The following FILIP1 variants were observed in gnomAD, a reference collection of about 807,000 sequenced individuals.
FILIP1 encodes filamin A interacting protein 1.
Under a neutral mutation model 102.1 loss-of-function variants are expected in FILIP1, and 61 were observed. That is an observed-to-expected ratio of 0.60 (90% confidence interval 0.49 to 0.74). The LOEUF (loss-of-function observed/expected upper bound fraction) is 0.74, where lower values mean the gene tolerates loss of function less well. FILIP1 is among the 30% of genes least tolerant of loss of function. The probability of loss-of-function intolerance (pLI) is 0.00; values close to 1 mark genes in which losing one functional copy is unlikely to be tolerated. For missense variants in FILIP1, 1,314 were observed against 1,441.2 expected (o/e 0.91, Z 1.43); for synonymous variants, 491 against 526.9 (o/e 0.93, Z 0.93).
At chr6:75,451,127 C>G (rs1049566154) in intron 1 of FILIP1, among the ~76,000 whole-genome samples, 1 of 151,658 alleles carries the variant, frequency 6.6e-6, no homozygotes, top group African/African-American at 2.4e-5. Flanking sequence ...ATTGACTTGC[C>G]ATGATGTTTA....
At chr6:75,455,854 G>C (rs1778811806) in intron 1 of FILIP1, among the ~76,000 whole-genome samples, 1 of 152,184 alleles carries the variant, frequency 6.6e-6, no homozygotes, top group South Asian at 2.1e-4. Context: ...GGCATAGGCA[G>C]AGTCACAAAA....
At chr6:75,325,987 CA>C (rs746635039) in intron 4 of FILIP1, among the ~76,000 whole-genome samples, 24 of 151,856 alleles carry the variant, frequency 1.6e-4, no homozygotes, top group Admixed American at 7.9e-4. Context: ...CTCGCAACTG[CA>C]AAAATATGAA....
intron 5 of FILIP1, among the ~76,000 whole-genome samples, chr6:75,309,249 C>G (rs1773098059): frequency 6.6e-6 from 1 of 152,158 alleles, no homozygotes. Flanking sequence ...CCTAAATTAA[C>G]TCTACACTCC....
rs147434989 is a variant in FILIP1, at chr6:75,312,476, C to T, written c.3356G>A (p.Arg1119Gln). The T allele has an allele frequency of 9.0e-4, 1,446 of 1,614,116 alleles. 1 individual carries two copies. The highest frequency in any genetic ancestry group is 1.1e-3 in the Non-Finnish European group (1,333 of 1,180,036). The stretch of plus-strand genomic sequence containing the variant: ...GCTCGTCACTTTGCTTGCACCAGGC[C>T]GTGAGGAGAGGTGATTCCTGGGAGA... ...LRSPRNHLSS[R>Q]PGASKVTSTI... Residue 1119 changes from arginine to glutamine, a missense_variant, in exon 5 of 6, where the codon CGG becomes CAG. Physicochemically the swap from Arg to Gln is conservative, Grantham distance 43. Coordinates refer to ENST00000237172, the MANE Select transcript of FILIP1 (RefSeq NM_015687.5).
intron 3 of FILIP1, chr6:75,360,866 A>T (rs1405622608): frequency 6.6e-6 from 1 of 152,200 alleles, no homozygotes; most frequent in East Asian, 1.9e-4. Flanking sequence ...TGGAACAGTG[A>T]TGTATCGCGG....
intron 1 of FILIP1, among the ~76,000 whole-genome samples, chr6:75,425,656 A>C (rs923401983): frequency 6.6e-6 from 1 of 151,972 alleles, no homozygotes; most frequent in African/African-American, 2.4e-5. Context: ...CCCTAACCCC[A>C]CACATGTATT....
intron 1 of FILIP1, among the ~76,000 whole-genome samples, chr6:75,443,270 C>G (rs1398349283): frequency 1.3e-5 from 2 of 151,994 alleles, no homozygotes; most frequent in African/African-American, 4.8e-5. Flanking sequence ...AAACAATCAG[C>G]AGGAAGAAAA....
At chr6:75,317,291 T>G (rs1248173085) in intron 4 of FILIP1, among the ~76,000 whole-genome samples, 1 of 152,220 alleles carries the variant, frequency 6.6e-6, no homozygotes, top group Non-Finnish European at 1.5e-5. Flanking sequence ...GGTGATGACC[T>G]TGAGAAGCAG....
chr6:75,456,488 T>G (rs1280772913), intron 1 of FILIP1, among the ~76,000 whole-genome samples: 1 of 152,176 alleles, frequency 6.6e-6, no homozygotes, highest in Non-Finnish European at 1.5e-5. Context: ...CAAATAAGTT[T>G]TCAATAAAAG....
intron 1 of FILIP1, chr6:75,465,288 C>A: frequency 3.2e-6 from 1 of 314,616 alleles, no homozygotes; most frequent in Non-Finnish European, 6.0e-6. Context: ...ACAATTGGGC[C>A]TCCAAGAACA....
chr6:75,478,242 T>G (rs939257158), intron 1 of FILIP1, among the ~76,000 whole-genome samples: 3 of 152,154 alleles, frequency 2.0e-5, no homozygotes, highest in Non-Finnish European at 4.4e-5. Context: ...GGGTAATGTT[T>G]CAGGAGTGGC....
At chr6:75,374,330 A>C (rs1179186316) in intron 2 of FILIP1, among the ~76,000 whole-genome samples, 1 of 152,214 alleles carries the variant, frequency 6.6e-6, no homozygotes, top group Non-Finnish European at 1.5e-5. Flanking sequence ...ACCTGTACGC[A>C]TAATCAGCAG....
At chr6:75,452,964 T>C (rs568326227) in intron 1 of FILIP1, among the ~76,000 whole-genome samples, 1 of 152,346 alleles carries the variant, frequency 6.6e-6, no homozygotes, top group South Asian at 2.1e-4. Context: ...ATCAAGAACG[T>C]TGATAACTGA....
chr6:75,357,635 T>C (rs559791381), intron 3 of FILIP1, among the ~76,000 whole-genome samples: 2 of 152,392 alleles, frequency 1.3e-5, no homozygotes, highest in East Asian at 3.9e-4. Context: ...ATCCAGACTT[T>C]AGAATGTAGA....
chr6:75,310,787 T>A (rs1582317149), intron 5 of FILIP1, among the ~76,000 whole-genome samples: 1 of 152,274 alleles, frequency 6.6e-6, no homozygotes, highest in South Asian at 2.1e-4. Context: ...AAAAGCAGTA[T>A]CGGACCACCT....
At chr6:75,383,702 T>C (rs1324035823) in intron 2 of FILIP1, among the ~76,000 whole-genome samples, 1 of 152,200 alleles carries the variant, frequency 6.6e-6, no homozygotes, top group Non-Finnish European at 1.5e-5. Context: ...AGACAAGTAA[T>C]GGACAAAGTG....
At chr6:75,452,220 T>A (rs1016637254) in intron 1 of FILIP1, among the ~76,000 whole-genome samples, 2 of 152,102 alleles carry the variant, frequency 1.3e-5, no homozygotes, top group Non-Finnish European at 2.9e-5. Flanking sequence ...TAACTTATCA[T>A]TTACATTAGG....
At chr6:75,428,772 A>G (rs1384318865) in intron 1 of FILIP1, among the ~76,000 whole-genome samples, 1 of 152,160 alleles carries the variant, frequency 6.6e-6, no homozygotes, top group African/African-American at 2.4e-5. Flanking sequence ...TGGATTACAA[A>G]ATGATGCCCA....
At chr6:75,344,968 A>G (rs965458805) in intron 4 of FILIP1, among the ~76,000 whole-genome samples, 1 of 152,190 alleles carries the variant, frequency 6.6e-6, no homozygotes. Flanking sequence ...AACTCTCTCA[A>G]TGACTGGTTC....
Sources: gnomAD v4.1 joint callset for allele counts (sites outside exome capture counted in the v4.1 genomes callset) on GRCh38, gnomAD v4.1.1 for gene constraint, MANE v1.5 for transcripts, NCBI Gene and HGNC (gene_info 2026-07-23, HGNC 2026-07-21) for gene names.